Variants in SLC35F3 observed in about 807,000 individuals in gnomAD.
The protein encoded by SLC35F3 is solute carrier family 35 member F3.
Under a neutral mutation model 49.9 loss-of-function variants are expected in SLC35F3, and 25 were observed. The ratio of observed to expected loss-of-function variants is 0.50; its 90% CI spans 0.37 to 0.70. SLC35F3 has a LOEUF of 0.70. Ranked by LOEUF, SLC35F3 falls within the 30% of genes least tolerant of loss-of-function variation. SLC35F3 has a pLI of 0.00. For synonymous variants in SLC35F3, 275 were observed against 265.4 expected (o/e 1.04, Z -0.35); for missense variants, 525 against 639.8 (o/e 0.82, Z 1.94).
intron 2 of SLC35F3, among the ~76,000 whole-genome samples, chr1:233,959,910 G>A (rs1318137309): frequency 6.6e-6 from 1 of 152,200 alleles, no homozygotes; most frequent in Admixed American, 6.5e-5. Context: ...GACCTGGAGT[G>A]CCCAACTTCT....
intron 2 of SLC35F3, among the ~76,000 whole-genome samples, chr1:233,947,751 GGAGAGA>G (rs149887381): frequency 1.4e-5 from 2 of 147,018 alleles, no homozygotes; most frequent in South Asian, 2.2e-4. Flanking sequence ...GTAAGAGGGA[GGAGAGA>G]GAGAGAGAGA....
rs114718167 is a variant in SLC35F3, at chr1:233,935,419, A to G, written c.283+29661A>G. On this transcript the variant is annotated intron_variant, in intron 2 of 7. Transcript: ENST00000366618. ...CTCTTCTAACTTTCCTCCAGCAGCA[A>G]TTGACCTTTGCCTGTATCCTGGAGG... 3.0e-3 allele frequency among the ~76,000 whole-genome samples: 450 copies of G among 152,016 alleles called. 4 individuals carry two copies. The highest frequency in any genetic ancestry group is 0.01 in the African/African-American group (417 of 41,468).
At position 234,226,961 on chromosome 1, in the gene SLC35F3, G is replaced by GCGCACA. The variant is rs141422884; in HGVS notation, c.284-4455_284-4454insGCACAC. Among the ~76,000 whole-genome samples the GCGCACA allele has an allele frequency of 3.4e-3, 505 of 148,724 alleles. 5 individuals are homozygous for GCGCACA. The highest frequency in any genetic ancestry group is 0.02 in the East Asian group (98 of 4,960). ...CCTGCACTGGCGTGCGCGCACGCGT[G>GCGCACA]CACACACACACACACACACACACAC... On this transcript the variant is annotated intron_variant, in intron 2 of 7. Coordinates refer to ENST00000366618, the MANE Select transcript of SLC35F3 (RefSeq NM_173508.4).
At chr1:234,076,998 GTTTT>G (rs56254338) in intron 2 of SLC35F3, among the ~76,000 whole-genome samples, 1 of 91,276 alleles carries the variant, frequency 1.1e-5, no homozygotes, top group Non-Finnish European at 2.1e-5. Flanking sequence ...TTTTTTTTTT[GTTTT>G]TTTTTTTTTT....
At chr1:234,312,282 C>T (rs1310798716) in intron 4 of SLC35F3, among the ~76,000 whole-genome samples, 1 of 152,116 alleles carries the variant, frequency 6.6e-6, no homozygotes, top group Non-Finnish European at 1.5e-5. Flanking sequence ...CAGTGAGGGT[C>T]TTTAAACCAG....
intron 2 of SLC35F3, among the ~76,000 whole-genome samples, chr1:234,159,669 C>G (rs186473186): frequency 1.3e-5 from 2 of 152,320 alleles, no homozygotes; most frequent in African/African-American, 4.8e-5. Flanking sequence ...TGTCTCACCC[C>G]CTTTGGTCAC....
At chr1:234,286,321 A>G (rs1668419150) in intron 3 of SLC35F3, among the ~76,000 whole-genome samples, 3 of 152,198 alleles carry the variant, frequency 2.0e-5, no homozygotes, top group Admixed American at 6.5e-5. Flanking sequence ...GGCCAAATAG[A>G]ACAGAAAATT....
intron 2 of SLC35F3, among the ~76,000 whole-genome samples, chr1:233,963,304 T>C (rs978834472): frequency 4.6e-5 from 7 of 151,202 alleles, no homozygotes; most frequent in African/African-American, 1.7e-4. Flanking sequence ...CTTTCTTTTT[T>C]TTTTTTCTTT....
intron 2 of SLC35F3, among the ~76,000 whole-genome samples, chr1:234,195,937 C>T (rs569705890): frequency 1.3e-5 from 2 of 152,276 alleles, no homozygotes; most frequent in African/African-American, 2.4e-5. Context: ...CGCCTTCCAC[C>T]GTGATTGTGA....
chr1:233,917,556 C>T (rs984516381), intron 2 of SLC35F3, among the ~76,000 whole-genome samples: 2 of 152,168 alleles, frequency 1.3e-5, no homozygotes, highest in Admixed American at 1.3e-4. Context: ...CCAGCATTCT[C>T]TTTCTTTCCA....
intron 2 of SLC35F3, among the ~76,000 whole-genome samples, chr1:234,109,403 G>A (rs1665372222): frequency 6.6e-6 from 1 of 152,144 alleles, no homozygotes; most frequent in Admixed American, 6.5e-5. Context: ...CATGAAAGAA[G>A]GTGGAAGCAG....
intron 3 of SLC35F3, among the ~76,000 whole-genome samples, chr1:234,236,925 T>TATATATATATATATATATA (rs1491285612): frequency 1.0e-5 from 1 of 96,294 alleles, no homozygotes; most frequent in African/African-American, 4.1e-5. Context: ...AAAAAAAAAA[T>TATATATATATATATATATA]TATATATATA....
chr1:234,318,214 T>A (rs1430942175), intron 5 of SLC35F3, among the ~76,000 whole-genome samples: 1 of 152,100 alleles, frequency 6.6e-6, no homozygotes, highest in Non-Finnish European at 1.5e-5. Flanking sequence ...TGAAATGATG[T>A]GCAAAAAAAG....
intron 2 of SLC35F3, among the ~76,000 whole-genome samples, chr1:233,917,322 T>G (rs566499799): frequency 4.5e-4 from 68 of 152,350 alleles, no homozygotes; most frequent in African/African-American, 1.6e-3. Flanking sequence ...AAACAGCTTC[T>G]TAGCTACAGG....
At chr1:234,052,832 G>A (rs1388838589) in intron 2 of SLC35F3, among the ~76,000 whole-genome samples, 1 of 152,170 alleles carries the variant, frequency 6.6e-6, no homozygotes, top group East Asian at 1.9e-4. Flanking sequence ...ATTCTGGTAT[G>A]TTGTGTCTTT....
intron 2 of SLC35F3, among the ~76,000 whole-genome samples, chr1:233,946,739 C>T (rs1662519274): frequency 6.6e-6 from 1 of 152,166 alleles, no homozygotes; most frequent in African/African-American, 2.4e-5. Flanking sequence ...ACTGACTGTG[C>T]GTGCACCTGA....
At chr1:234,093,469 C>A (rs2102878364) in intron 2 of SLC35F3, among the ~76,000 whole-genome samples, 1 of 152,312 alleles carries the variant, frequency 6.6e-6, no homozygotes, top group African/African-American at 2.4e-5. Context: ...TGTTTTCCAG[C>A]CCTGCTCTCT....
chr1:234,287,563 A>G (rs1443712960), intron 3 of SLC35F3, among the ~76,000 whole-genome samples: 2 of 152,226 alleles, frequency 1.3e-5, no homozygotes, highest in Non-Finnish European at 2.9e-5. Flanking sequence ...CTAAGCACCT[A>G]ACACAAAGCA....
At chr1:234,170,276 G>A (rs1189765035) in intron 2 of SLC35F3, among the ~76,000 whole-genome samples, 1 of 152,142 alleles carries the variant, frequency 6.6e-6, no homozygotes, top group African/African-American at 2.4e-5. Flanking sequence ...TTATAGAGGG[G>A]GGCACGGCAG....
Sources: allele counts gnomAD v4.1 joint callset (sites outside exome capture counted in the v4.1 genomes callset), GRCh38; gene constraint gnomAD v4.1.1; transcripts MANE v1.5; gene names NCBI Gene and HGNC (gene_info 2026-07-23, HGNC 2026-07-21).